TBC1D5: variants seen among roughly 807,000 people sequenced by gnomAD.
TBC1D5 encodes TBC1 domain family member 5, also known as TBC1 domain family, member 5.
Under a neutral mutation model 100.3 loss-of-function variants are expected in TBC1D5, and 75 were observed. The ratio of observed to expected loss-of-function variants is 0.75; its 90% CI spans 0.62 to 0.91. TBC1D5 has a LOEUF of 0.91. Ranked by LOEUF, TBC1D5 falls within the 40% of genes least tolerant of loss-of-function variation. TBC1D5 has a pLI of 0.00. For missense variants in TBC1D5, 910 were observed against 942.4 expected (o/e 0.97, Z 0.45); for synonymous variants, 323 against 325.6 (o/e 0.99, Z 0.09).
chr3:17,603,428 T>C (rs533068493), intron 2 of TBC1D5, among the ~76,000 whole-genome samples: 1 of 152,240 alleles, frequency 6.6e-6, no homozygotes, highest in African/African-American at 2.4e-5. Context: ...TACATTAGCA[T>C]GGTAAAAGAC....
intron 1 of TBC1D5, among the ~76,000 whole-genome samples, chr3:17,714,636 A>G (rs187837640): frequency 3.2e-3 from 492 of 152,346 alleles, no homozygotes; most frequent in Non-Finnish European, 4.7e-3. Flanking sequence ...CTGACCACAC[A>G]TAACAAGGAA....
chr3:17,598,249 T>C (rs897277063), intron 2 of TBC1D5, among the ~76,000 whole-genome samples: 1 of 152,178 alleles, frequency 6.6e-6, no homozygotes, highest in Non-Finnish European at 1.5e-5. Context: ...GTGGTAGGCA[T>C]AAGGCATGGG....
chr3:17,247,554 A>G (rs1208196881), intron 16 of TBC1D5, among the ~76,000 whole-genome samples: 1 of 152,196 alleles, frequency 6.6e-6, no homozygotes, highest in Non-Finnish European at 1.5e-5. Flanking sequence ...GCTTGTGACT[A>G]ATCAGGGTGG....
chr3:17,706,653 C>T (rs2074212008), intron 1 of TBC1D5, among the ~76,000 whole-genome samples: 1 of 151,658 alleles, frequency 6.6e-6, no homozygotes, highest in African/African-American at 2.4e-5. Flanking sequence ...CTTGTTTTCA[C>T]CTAATTATAA....
chr3:17,677,317 C>T (rs1011941642), intron 1 of TBC1D5, among the ~76,000 whole-genome samples: 16 of 151,862 alleles, frequency 1.1e-4, no homozygotes, highest in African/African-American at 3.9e-4. Flanking sequence ...AAAAAAACAA[C>T]CCCATCAAAA....
rs1237493870 is a variant in TBC1D5 at position 17,207,425 on chromosome 3, T to C, written c.1752+6782A>G. Among the ~76,000 whole-genome samples the C allele has an allele frequency of 5.3e-5, 8 of 152,194 alleles. No individual in the cohort carries two copies. The East Asian group carries it at 9.6e-4, about 18-fold the overall frequency. On this transcript the variant is annotated intron_variant, in intron 18 of 21. Coordinates refer to ENST00000253692, the Ensembl canonical transcript of TBC1D5. ...AAACCAATACCAATCCTCAAAATAATAGTACTAACAATAATGAAGTGAGGT... is the reference window on the plus strand; with the variant it reads ...AAACCAATACCAATCCTCAAAATAACAGTACTAACAATAATGAAGTGAGGT...
chr3:17,714,829 A>T (rs989613092), intron 1 of TBC1D5, among the ~76,000 whole-genome samples: 1 of 152,122 alleles, frequency 6.6e-6, no homozygotes, highest in Non-Finnish European at 1.5e-5. Flanking sequence ...TACTGTTACA[A>T]CCTGACTCAA....
intron 2 of TBC1D5, among the ~76,000 whole-genome samples, chr3:17,568,824 C>T (rs951966847): frequency 5.3e-5 from 8 of 151,616 alleles, no homozygotes; most frequent in African/African-American, 1.9e-4. Flanking sequence ...CCAAGTTTTA[C>T]TCATGTTTAA....
chr3:17,553,720 T>C (rs2096492512), intron 2 of TBC1D5, among the ~76,000 whole-genome samples: 1 of 152,210 alleles, frequency 6.6e-6, no homozygotes, highest in East Asian at 1.9e-4. Context: ...GAGTGCTGCC[T>C]CCACTGGAAG....
chr3:17,315,291 G>A (rs757428559), intron 13 of TBC1D5, among the ~76,000 whole-genome samples: 1 of 152,070 alleles, frequency 6.6e-6, no homozygotes, highest in African/African-American at 2.4e-5. Flanking sequence ...TTATTTTCAA[G>A]GAAAACACTA....
chr3:17,335,837 T>C (rs2087674194), intron 13 of TBC1D5, among the ~76,000 whole-genome samples: 1 of 152,160 alleles, frequency 6.6e-6, no homozygotes, highest in Non-Finnish European at 1.5e-5. Flanking sequence ...TATTCATAAT[T>C]ACTGGAGGTC....
chr3:17,508,326 G>A (rs1023290763), intron 3 of TBC1D5, 148 bp downstream of exon 3: 1 of 591,602 alleles, frequency 1.7e-6, no homozygotes, highest in East Asian at 2.9e-5. Context: ...AGAGTGCTCT[G>A]TACATATCCA....
chr3:17,551,628 C>T (rs1175690592), intron 2 of TBC1D5, among the ~76,000 whole-genome samples: 1 of 152,096 alleles, frequency 6.6e-6, no homozygotes, highest in Non-Finnish European at 1.5e-5. Context: ...TAATCGCAGC[C>T]ACAGAAGTAG....
intron 1 of TBC1D5, among the ~76,000 whole-genome samples, chr3:17,681,047 A>G (rs1400143323): frequency 6.6e-6 from 1 of 151,466 alleles, no homozygotes; most frequent in Non-Finnish European, 1.5e-5. Context: ...TCTTGTGTTT[A>G]CCGTGACCTT....
At chr3:17,169,391 T>C (rs2066951090) in intron 19 of TBC1D5, among the ~76,000 whole-genome samples, 4 of 152,222 alleles carry the variant, frequency 2.6e-5, no homozygotes, top group Admixed American at 2.6e-4. Context: ...CAAAAAGTAT[T>C]TCCAGTAAGG....
chr3:17,581,063 T>C (rs1318849166), intron 2 of TBC1D5, among the ~76,000 whole-genome samples: 1 of 152,144 alleles, frequency 6.6e-6, no homozygotes, highest in Non-Finnish European at 1.5e-5. Flanking sequence ...AACTGAATCA[T>C]GGGGGAGGGT....
At chr3:17,432,794 C>G (rs1015707360) in intron 3 of TBC1D5, among the ~76,000 whole-genome samples, 1 of 152,046 alleles carries the variant, frequency 6.6e-6, no homozygotes, top group African/African-American at 2.4e-5. Context: ...CCTATTAAAC[C>G]TTTCATAGAA....
At chr3:17,591,018 T>C (rs887221180) in intron 2 of TBC1D5, among the ~76,000 whole-genome samples, 8 of 151,662 alleles carry the variant, frequency 5.3e-5, no homozygotes, top group African/African-American at 1.9e-4. Flanking sequence ...GACAGGCAGA[T>C]CACGAGGTCA....
intron 13 of TBC1D5, among the ~76,000 whole-genome samples, chr3:17,366,084 G>T (rs2092107122): frequency 6.6e-6 from 1 of 152,130 alleles, no homozygotes; most frequent in African/African-American, 2.4e-5. Flanking sequence ...GAGCTTATGA[G>T]TTTGAGATCA....
Sources: gnomAD v4.1 joint callset for allele counts (sites outside exome capture counted in the v4.1 genomes callset) on GRCh38, gnomAD v4.1.1 for gene constraint, MANE v1.5 for transcripts, NCBI Gene and HGNC (gene_info 2026-07-23, HGNC 2026-07-21) for gene names.